Variants in GLG1 observed in about 807,000 individuals in gnomAD.
The protein encoded by GLG1 is Golgi apparatus protein 1.
A neutral mutation model predicts 160.5 loss-of-function variants in GLG1; 38 were observed. The ratio of observed to expected loss-of-function variants is 0.24; its 90% confidence interval spans 0.18 to 0.31. The LOEUF is 0.31. Ranked by LOEUF, GLG1 falls within the 10% of genes least tolerant of loss-of-function variation. The pLI is 1.00. For synonymous variants in GLG1, 644 were observed against 543.4 expected (o/e 1.19, Z -2.57); for missense variants, 1,373 against 1,505.2 (o/e 0.91, Z 1.45).
At chr16:74,476,372 C>T (rs1417913804) in intron 12 of GLG1, among the ~76,000 whole-genome samples, 1 of 152,116 alleles carries the variant, frequency 6.6e-6, no homozygotes, top group East Asian at 1.9e-4. Flanking sequence ...TAACAATATA[C>T]CCAACAGAAC....
chr16:74,538,287 A>G (rs2017740338), intron 1 of GLG1, among the ~76,000 whole-genome samples: 3 of 151,444 alleles, frequency 2.0e-5, no homozygotes, highest in Middle Eastern at 6.8e-3. Flanking sequence ...ACTCTGCTGC[A>G]GTATTAAGTC....
intron 2 of GLG1, among the ~76,000 whole-genome samples, chr16:74,529,836 T>A (rs2868038): frequency 2.3e-5 from 3 of 133,048 alleles, no homozygotes; most frequent in Non-Finnish European, 3.2e-5. Flanking sequence ...TTTTTTTTTG[T>A]GACGGAGTCT....
chr16:74,577,302 A>G (rs931715275), intron 1 of GLG1, among the ~76,000 whole-genome samples: 1 of 152,080 alleles, frequency 6.6e-6, no homozygotes, highest in Non-Finnish European at 1.5e-5. Flanking sequence ...CGGGTGGATC[A>G]CCCAAGGTCA....
chr16:74,507,715 G>A (rs959696015), intron 3 of GLG1, among the ~76,000 whole-genome samples: 9 of 151,592 alleles, frequency 5.9e-5, no homozygotes, highest in Non-Finnish European at 7.4e-5. Context: ...CAGCGTGGGC[G>A]ACAGAGCAAG....
At chr16:74,580,709 G>A (rs538475653) in intron 1 of GLG1, among the ~76,000 whole-genome samples, 1 of 152,298 alleles carries the variant, frequency 6.6e-6, no homozygotes, top group South Asian at 2.1e-4. Context: ...CAAATCAATA[G>A]AGTGAAAAGG....
At chr16:74,581,557 A>G (rs1021727206) in intron 1 of GLG1, among the ~76,000 whole-genome samples, 76 of 144,174 alleles carry the variant, frequency 5.3e-4, no homozygotes, top group Non-Finnish European at 1.0e-3. Context: ...AAAAAAGGCC[A>G]GGAGGTGCTT....
At chr16:74,529,809 G>GTTTTTTTTTTTTTTTT (rs201693911) in intron 2 of GLG1, among the ~76,000 whole-genome samples, 3 of 104,104 alleles carry the variant, frequency 2.9e-5, no homozygotes, top group African/African-American at 7.4e-5. Context: ...CTCTTTGAGA[G>GTTTTTTTTTTTTTTTT]TTCTTTTTTT....
chr16:74,503,071 G>T (rs148028791), intron 4 of GLG1, among the ~76,000 whole-genome samples: 1,839 of 152,016 alleles, frequency 0.012, 35 homozygotes, highest in African/African-American at 0.042. Flanking sequence ...GCCAGGCGTG[G>T]TGGTGCATGC....
At chr16:74,514,210 C>CA (rs1435759486) in intron 2 of GLG1, among the ~76,000 whole-genome samples, 3 of 152,156 alleles carry the variant, frequency 2.0e-5, no homozygotes, top group African/African-American at 7.2e-5. Flanking sequence ...AGTTAGAAAA[C>CA]AATCTTCAGG....
chr16:74,545,200 A>G (rs2018013357), intron 1 of GLG1, among the ~76,000 whole-genome samples: 1 of 152,072 alleles, frequency 6.6e-6, no homozygotes, highest in South Asian at 2.1e-4. Flanking sequence ...GTTTTTGTTG[A>G]GACAGGGTCT....
Position 74,473,403 on chromosome 16 carries a change from G to A in GLG1, c.2053-992C>T, listed in dbSNP as rs188685136. ...TAATTTTTGTATTTTTAGTAGAAAC[G>A]GGGTTTCACCATGTTGGCCAGGATG... is the stretch of plus-strand genomic sequence containing the variant. On this transcript the variant is annotated intron_variant, in intron 13 of 25. Coordinates refer to ENST00000422840, the MANE Select transcript of GLG1 (RefSeq NM_001145667.2). Among the ~76,000 whole-genome samples the A allele has an allele frequency of 2.1e-3, 312 of 150,702 alleles. 2 individuals carry two copies. The highest frequency in any genetic ancestry group is 2.8e-3 in the Non-Finnish European group (187 of 67,748).
At chr16:74,522,771 G>A (rs550049948) in intron 2 of GLG1, among the ~76,000 whole-genome samples, 2 of 152,202 alleles carry the variant, frequency 1.3e-5, no homozygotes, top group East Asian at 1.9e-4. Context: ...GCAGCCTGAA[G>A]CTCCTGGGCT....
intron 7 of GLG1, 62 bp downstream of exon 7, chr16:74,492,894 GC>G: frequency 2.0e-6 from 2 of 978,108 alleles, no homozygotes. Context: ...TATATATAAA[GC>G]TTTAGAGTGT....
At chr16:74,594,385 A>C (rs1958253750) in intron 1 of GLG1, among the ~76,000 whole-genome samples, 1 of 152,236 alleles carries the variant, frequency 6.6e-6, no homozygotes, top group South Asian at 2.1e-4. Context: ...AATATCACAC[A>C]TTCAGTCAAA....
rs74846577 is a variant in GLG1, at chr16:74,596,743, G to A, written c.438+9914C>T. Among the ~76,000 whole-genome samples, 1,294 of 152,304 alleles carry A rather than the reference G, an allele frequency of 8.5e-3. 7 individuals carry two copies. The highest frequency in any genetic ancestry group is 0.014 in the Non-Finnish European group (934 of 68,024). ...AAATGAGCTATCACACAGCTGGACT[G>A]ACTTGTTTTCAAATCTTGATTCCAC... On this transcript the variant is annotated intron_variant, in intron 1 of 25. Transcript: ENST00000422840.
Position 74,450,752 on chromosome 16 carries a change from G to C in GLG1, c.*2415C>G, listed in dbSNP as rs1406554233. ...GAATCCCAGCTACTCAGGAGGCTGA[G>C]GCAGAGAATTGCTTGAACCCAGGAG... On this transcript the variant is annotated 3_prime_UTR_variant, in exon 26 of 26. Coordinates refer to ENST00000422840, the MANE Select transcript of GLG1 (RefSeq NM_001145667.2). 3 of 152,020 alleles carry C rather than the reference G, an allele frequency of 2.0e-5. No homozygotes were observed. The highest frequency in any genetic ancestry group is 3.9e-4 in the East Asian group (2 of 5,160). The allele number at this position is 152,020 out of a possible 1,614,324, so 9.4% of individuals were successfully genotyped here. A position where few individuals can be genotyped will look rare whatever the true frequency, so the allele number is the denominator to read the frequency against.
intron 1 of GLG1, among the ~76,000 whole-genome samples, chr16:74,589,343 T>C (rs1242375425): frequency 6.6e-6 from 1 of 152,030 alleles, no homozygotes; most frequent in South Asian, 2.1e-4. Context: ...TTTCTTATAG[T>C]TCATTCAATC....
chr16:74,598,129 C>G (rs1456291071), intron 1 of GLG1, among the ~76,000 whole-genome samples: 8 of 152,164 alleles, frequency 5.3e-5, no homozygotes, highest in Non-Finnish European at 1.0e-4. Context: ...ACAGGGCACA[C>G]AGAAAACCCT....
chr16:74,600,201 C>T (rs1462122210), intron 1 of GLG1, among the ~76,000 whole-genome samples: 1 of 151,944 alleles, frequency 6.6e-6, no homozygotes, highest in Non-Finnish European at 1.5e-5. Flanking sequence ...AGAAGTATAC[C>T]TACCACATCA....
Sources: gnomAD v4.1 joint callset for allele counts (sites outside exome capture counted in the v4.1 genomes callset) on GRCh38, gnomAD v4.1.1 for gene constraint, MANE v1.5 for transcripts, NCBI Gene and HGNC (gene_info 2026-07-23, HGNC 2026-07-21) for gene names.